The following C10orf53 variants were observed in gnomAD, a reference collection of about 807,000 sequenced individuals.
The protein encoded by C10orf53 is UPF0728 protein C10orf53.
Under a neutral mutation model 9.4 loss-of-function variants are expected in C10orf53, and 8 were observed. The ratio of observed to expected loss-of-function variants is 0.85; its 90% CI spans 0.50 to 1.53. C10orf53 has a LOEUF of 1.53. Among genes scored for constraint, C10orf53 ranks in the 40% most tolerant of loss-of-function variants. C10orf53 has a pLI of 0.00. For missense variants in C10orf53, 117 were observed against 117.8 expected (o/e 0.99, Z 0.03); for synonymous variants, 48 against 46.0 (o/e 1.04, Z -0.18).
At chr10:49,685,860 T>G (rs1840523445) in intron 1 of C10orf53, among the ~76,000 whole-genome samples, 1 of 152,214 alleles carries the variant, frequency 6.6e-6, no homozygotes, top group African/African-American at 2.4e-5. Context: ...GGATAGGTAT[T>G]TTCATGTCTT....
At chr10:49,687,013 C>T (rs535058843) in intron 1 of C10orf53, among the ~76,000 whole-genome samples, 17 of 152,334 alleles carry the variant, frequency 1.1e-4, no homozygotes, top group African/African-American at 4.1e-4. Flanking sequence ...GCAAACATGC[C>T]ACAAAGCTTT....
At chr10:49,686,956 A>G (rs1484425658) in intron 1 of C10orf53, among the ~76,000 whole-genome samples, 1 of 152,210 alleles carries the variant, frequency 6.6e-6, no homozygotes, top group Non-Finnish European at 1.5e-5. Flanking sequence ...ACAGGCTGCT[A>G]TCTTCAAGAC....
At chr10:49,694,264 T>C in intron 2 of C10orf53, 2 of 589,034 alleles carry the variant, frequency 3.4e-6, no homozygotes, top group Non-Finnish European at 5.9e-6. Context: ...TATCTAGACT[T>C]GCTAAGACAC....
At chr10:49,694,298 T>C (rs970567052) in intron 2 of C10orf53, 6 of 615,222 alleles carry the variant, frequency 9.8e-6, no homozygotes, top group Non-Finnish European at 1.7e-5. Flanking sequence ...CAGCAGTGCA[T>C]GACACTATCA....
chr10:49,709,646 TAAACTCTTCAGCCAGGCATAAG>T (rs1192816860), exon 3 of C10orf53: 4 of 152,324 alleles, frequency 2.6e-5, no homozygotes, highest in Non-Finnish European at 5.9e-5. Flanking sequence ...GGAGAAAATT[TAAACTCTTCAGCCAGGCATAAG>T]AGACCCTTTA....
chr10:49,693,471 A>G (rs1322375357), intron 1 of C10orf53, among the ~76,000 whole-genome samples: 1 of 152,198 alleles, frequency 6.6e-6, no homozygotes. Context: ...TGTGGTCTCT[A>G]TAAGATTGAG....
chr10:49,679,666 T>C lies in C10orf53; in HGVS notation c.-32T>C. The C allele has an allele frequency of 6.5e-7, 1 of 1,542,312 alleles. No homozygotes were observed. Among genetic ancestry groups the C allele is most frequent in the Non-Finnish European group, 8.7e-7 (1 of 1,143,130 alleles). On this transcript the variant is annotated 5_prime_UTR_variant, in exon 1 of 3. Transcript: ENST00000374111. Reference sequence around the variant, plus strand: ...GAGGTTGCTTAGCAGCGTGTGTTTCTCCCTTGCCTCTGCGGCGGCGGAGGC... The same window carrying C: ...GAGGTTGCTTAGCAGCGTGTGTTTCCCCCTTGCCTCTGCGGCGGCGGAGGC...
chr10:49,686,318 G>A (rs1455462232), intron 1 of C10orf53, among the ~76,000 whole-genome samples: 1 of 152,116 alleles, frequency 6.6e-6, no homozygotes, highest in Non-Finnish European at 1.5e-5. Context: ...AACTGAGAAT[G>A]TACGTCACCT....
chr10:49,687,325 T>C (rs1388865851), intron 1 of C10orf53, among the ~76,000 whole-genome samples: 1 of 152,220 alleles, frequency 6.6e-6, no homozygotes, highest in African/African-American at 2.4e-5. Context: ...ACACAACTTA[T>C]CAGTATTGGG....
downstream of C10orf53, among the ~76,000 whole-genome samples, chr10:49,699,845 G>A (rs980785467): frequency 6.6e-6 from 1 of 152,164 alleles, no homozygotes; most frequent in African/African-American, 2.4e-5. Flanking sequence ...TAAAAAGCCT[G>A]ATTGTTCTGT....
At chr10:49,702,225 A>AAGG (rs1554812141), downstream of C10orf53, among the ~76,000 whole-genome samples, 1 of 75,318 alleles carries the variant, frequency 1.3e-5, no homozygotes, top group Non-Finnish European at 2.8e-5. Context: ...GGAAGGAAGG[A>AAGG]AGGGAGGGAG....
intron 1 of C10orf53, among the ~76,000 whole-genome samples, chr10:49,681,988 T>C (rs77043248): frequency 0.012 from 1,809 of 152,268 alleles, 45 homozygotes; most frequent in African/African-American, 0.042. Context: ...GAAGACAGCC[T>C]AAATAAGTGA....
At chr10:49,701,403 TTTTA>T (rs1192536318), downstream of C10orf53, among the ~76,000 whole-genome samples, 1 of 152,216 alleles carries the variant, frequency 6.6e-6, no homozygotes, top group Non-Finnish European at 1.5e-5. Context: ...CTGCGTTTTT[TTTTA>T]TTAACTTTTA....
chr10:49,694,603 T>A lies in C10orf53; in HGVS notation c.*1T>A. ...GATAGCCGTGCTGAATGCCTACTGA[T>A]CTCCTCATGGAACAGGCATCTCAAG... On this transcript the variant is annotated 3_prime_UTR_variant, in exon 3 of 3. Coordinates refer to ENST00000374111, the MANE Select transcript of C10orf53 (RefSeq NM_001042427.3). The A allele has an allele frequency of 6.2e-7, 1 of 1,614,200 alleles. No individual in the cohort carries two copies. The highest frequency in any genetic ancestry group is 8.5e-7 in the Non-Finnish European group (1 of 1,180,026).
chr10:49,708,402 T>C, exon 3 of C10orf53: 6 of 1,614,172 alleles, frequency 3.7e-6, no homozygotes, highest in Non-Finnish European at 5.1e-6. Context: ...CACCAGCAGC[T>C]CCAGGCTGAC....
intron 1 of C10orf53, among the ~76,000 whole-genome samples, chr10:49,691,080 G>A (rs1590642647): frequency 6.6e-6 from 1 of 152,178 alleles, no homozygotes; most frequent in Non-Finnish European, 1.5e-5. Flanking sequence ...CACTGCCTTC[G>A]CACAGGCTTT....
intron 1 of C10orf53, among the ~76,000 whole-genome samples, chr10:49,688,061 C>T (rs1013876212): frequency 3.3e-5 from 5 of 152,116 alleles, no homozygotes; most frequent in African/African-American, 4.8e-5. Flanking sequence ...CATTTATATG[C>T]GATGAACTTC....
At position 49,693,676 on chromosome 10, in the gene C10orf53, G is replaced by C. The variant is rs1423536777; in HGVS notation, c.98-98G>C. The C allele has an allele frequency of 2.1e-6, 3 of 1,423,498 alleles. No homozygotes were observed. In the East Asian group the frequency reaches 6.8e-5, roughly 32 times the overall value. 88.2% of individuals were successfully genotyped at this position (1,423,498 alleles called of 1,614,324 possible). A position where few individuals can be genotyped will look rare whatever the true frequency, so the allele number is the denominator to read the frequency against. ...GTTGAGTGATACCCATGAGCAACTA[G>C]ATGGCAGACAAGCTACTGTCATCAT... On this transcript the variant is annotated intron_variant, in intron 1 of 2. Coordinates refer to ENST00000374111, the MANE Select transcript of C10orf53 (RefSeq NM_001042427.3).
exon 3 of C10orf53, chr10:49,709,975 G>GTC (rs1554812791): frequency 0.022 from 961 of 43,804 alleles, 12 homozygotes; most frequent in African/African-American, 0.074. Context: ...GTGTGTGTCT[G>GTC]TGTGTGTGTG....
Sources: allele counts gnomAD v4.1 joint callset (sites outside exome capture counted in the v4.1 genomes callset), GRCh38; gene constraint gnomAD v4.1.1; transcripts MANE v1.5; gene names NCBI Gene and HGNC (gene_info 2026-07-23, HGNC 2026-07-21).